The following COL23A1 variants were observed in gnomAD, a reference collection of about 807,000 sequenced individuals.
COL23A1 encodes the protein collagen alpha-1(XXIII) chain.
COL23A1 carries 97 observed loss-of-function variants against 99.3 expected under a neutral mutation model. The observed-to-expected ratio is 0.98, with a 90% CI of 0.83 to 1.16. COL23A1 has a LOEUF of 1.16. Ranked by LOEUF, COL23A1 falls within the 50% of genes most tolerant of loss-of-function variation. The pLI is 0.00. For synonymous variants in COL23A1, 320 were observed against 308.2 expected (o/e 1.04, Z -0.40); for missense variants, 762 against 757.4 (o/e 1.01, Z -0.07).
intron 2 of COL23A1, among the ~76,000 whole-genome samples, chr5:178,391,625 C>T (rs1243920515): frequency 6.6e-6 from 1 of 152,114 alleles, no homozygotes; most frequent in Non-Finnish European, 1.5e-5. Flanking sequence ...TCATCCATAG[C>T]TGGTGGGAAT....
At chr5:178,376,039 C>T (rs13182062) in intron 2 of COL23A1, among the ~76,000 whole-genome samples, 16,414 of 152,092 alleles carry the variant, frequency 0.11, 1,822 homozygotes, top group African/African-American at 0.29. Flanking sequence ...TAAGTTGTGG[C>T]TCAAATGTCT....
intron 2 of COL23A1, among the ~76,000 whole-genome samples, chr5:178,378,637 G>A (rs1439640557): frequency 6.6e-6 from 1 of 152,228 alleles, no homozygotes; most frequent in Non-Finnish European, 1.5e-5. Context: ...CAGAGCTGAT[G>A]GGATGTGGGG....
chr5:178,451,516 T>C (rs1311759823), intron 2 of COL23A1, among the ~76,000 whole-genome samples: 1 of 151,660 alleles, frequency 6.6e-6, no homozygotes, highest in African/African-American at 2.4e-5. Context: ...ATTAGCTGGG[T>C]GTGTGGTAGG....
intron 2 of COL23A1, among the ~76,000 whole-genome samples, chr5:178,329,664 G>C (rs1197129212): frequency 1.3e-5 from 2 of 152,186 alleles, no homozygotes; most frequent in African/African-American, 4.8e-5. Context: ...CACATGGCTG[G>C]GCCCAGTGGC....
At chr5:178,508,662 T>C (rs569461594) in intron 2 of COL23A1, among the ~76,000 whole-genome samples, 3 of 152,262 alleles carry the variant, frequency 2.0e-5, no homozygotes, top group African/African-American at 7.2e-5. Context: ...TCACTACTGA[T>C]ACCATCGTGG....
chr5:178,420,386 C>CA (rs1433843358), intron 2 of COL23A1, among the ~76,000 whole-genome samples: 2 of 123,660 alleles, frequency 1.6e-5, no homozygotes, highest in African/African-American at 6.6e-5. Context: ...TCCCCTCCCC[C>CA]CTTTCCCCCT....
intron 2 of COL23A1, among the ~76,000 whole-genome samples, chr5:178,559,127 C>T (rs1441737672): frequency 6.6e-6 from 1 of 152,158 alleles, no homozygotes; most frequent in Non-Finnish European, 1.5e-5. Context: ...TGGAGTCATT[C>T]CCTTGTCAAA....
intron 2 of COL23A1, among the ~76,000 whole-genome samples, chr5:178,465,144 T>C (rs911810723): frequency 6.6e-6 from 1 of 152,002 alleles, no homozygotes; most frequent in Non-Finnish European, 1.5e-5. Context: ...CAAAAGAAAA[T>C]AGCATTTCCA....
chr5:178,571,319 A>G lies in COL23A1; in HGVS notation c.295-10571T>C, dbSNP rs144386759. Among the ~76,000 whole-genome samples, 5 of 152,176 alleles carry G rather than the reference A, an allele frequency of 3.3e-5. No individual in the cohort carries two copies. The East Asian group carries it at 9.7e-4, about 29-fold the overall frequency. On this transcript the variant is annotated intron_variant, in intron 1 of 28. Transcript: ENST00000390654. ...AGAGGTTGCAGTGAGCCAAGATCGC[A>G]CCACTGCACTCCAGCCTGGGTGACA...
intron 25 of COL23A1, among the ~76,000 whole-genome samples, chr5:178,243,730 G>T (rs77536897): frequency 6.6e-6 from 1 of 152,144 alleles, no homozygotes; most frequent in East Asian, 1.9e-4. Context: ...GGAGGAGCCT[G>T]GCATTTGCCA....
intron 2 of COL23A1, among the ~76,000 whole-genome samples, chr5:178,456,025 T>A (rs1767771314): frequency 6.6e-6 from 1 of 152,222 alleles, no homozygotes; most frequent in African/African-American, 2.4e-5. Flanking sequence ...TTGAAACAAA[T>A]GGGCACTTGG....
intron 2 of COL23A1, among the ~76,000 whole-genome samples, chr5:178,316,205 T>A (rs902102175): frequency 3.3e-5 from 5 of 152,192 alleles, no homozygotes; most frequent in African/African-American, 1.2e-4. Flanking sequence ...GATATTTACT[T>A]CTAGATAGGA....
intron 2 of COL23A1, among the ~76,000 whole-genome samples, chr5:178,404,810 G>A (rs1218380397): frequency 6.6e-6 from 1 of 152,126 alleles, no homozygotes; most frequent in Non-Finnish European, 1.5e-5. Flanking sequence ...GCATTCCCTG[G>A]GGTGTGCGAG....
chr5:178,424,547 A>G (rs1461751441), intron 2 of COL23A1, among the ~76,000 whole-genome samples: 1 of 152,192 alleles, frequency 6.6e-6, no homozygotes, highest in African/African-American at 2.4e-5. Flanking sequence ...ACAAAGAGGG[A>G]GGCAGTGCTA....
intron 2 of COL23A1, among the ~76,000 whole-genome samples, chr5:178,397,099 G>A (rs1273026093): frequency 6.6e-6 from 1 of 152,226 alleles, no homozygotes; most frequent in Admixed American, 6.5e-5. Context: ...TGTGCACCCA[G>A]CCTCCAGGAA....
intron 2 of COL23A1, among the ~76,000 whole-genome samples, chr5:178,336,223 T>C (rs1760307877): frequency 1.3e-5 from 2 of 152,186 alleles, no homozygotes; most frequent in African/African-American, 4.8e-5. Flanking sequence ...GACCCAGCAA[T>C]TCCACTGCTA....
At chr5:178,454,510 G>A (rs2127876807) in intron 2 of COL23A1, among the ~76,000 whole-genome samples, 1 of 152,314 alleles carries the variant, frequency 6.6e-6, no homozygotes, top group Middle Eastern at 3.4e-3. Flanking sequence ...CAGAAAGGAG[G>A]AAAAGCCTGC....
chr5:178,319,980 C>T (rs1759201211), intron 2 of COL23A1, among the ~76,000 whole-genome samples: 1 of 152,254 alleles, frequency 6.6e-6, no homozygotes, highest in African/African-American at 2.4e-5. Flanking sequence ...GGGGCCTCTG[C>T]ACCAGCTTCC....
chr5:178,523,335 G>A (rs1429117459), intron 2 of COL23A1, among the ~76,000 whole-genome samples: 5 of 143,236 alleles, frequency 3.5e-5, no homozygotes, highest in South Asian at 2.3e-4. Context: ...GCTGAAGCAC[G>A]AGAATCGCTT....
Sources: gnomAD v4.1 joint callset for allele counts (sites outside exome capture counted in the v4.1 genomes callset) on GRCh38, gnomAD v4.1.1 for gene constraint, MANE v1.5 for transcripts, NCBI Gene and HGNC (gene_info 2026-07-23, HGNC 2026-07-21) for gene names.